Variants in CTBP1 observed in about 807,000 individuals in gnomAD.
CTBP1 encodes the protein C-terminal-binding protein 1.
Under a neutral mutation model 42.1 loss-of-function variants are expected in CTBP1, and 11 were observed. The ratio of observed to expected loss-of-function variants is 0.26; its 90% CI spans 0.16 to 0.43. The LOEUF is 0.43. Ranked by LOEUF, CTBP1 falls within the 20% of genes least tolerant of loss-of-function variation. CTBP1 has a pLI of 1.00. For synonymous variants in CTBP1, 324 were observed against 277.1 expected (o/e 1.17, Z -1.68); for missense variants, 399 against 624.3 (o/e 0.64, Z 3.85).
In CTBP1 at chr4:1,211,964, T is replaced by C. The variant is rs2108693707; in HGVS notation, c.*276A>G. On this transcript the variant is annotated 3_prime_UTR_variant, in exon 10 of 10. Transcript: ENST00000382952. Reference sequence around the variant, plus strand: ...AGCTAAGCAAACAGATCCTTTGTAATGTTCTAAAAACTGTACACAGACAAG... The same window carrying C: ...AGCTAAGCAAACAGATCCTTTGTAACGTTCTAAAAACTGTACACAGACAAG... 2 of 325,172 alleles carry C rather than the reference T, an allele frequency of 6.2e-6. No homozygotes were observed. The highest frequency in any genetic ancestry group is 1.1e-5 in the Non-Finnish European group (2 of 180,076). The allele number at this position is 325,172 out of a possible 1,614,324, so 20.1% of individuals were successfully genotyped here.
rs1200748059 is a variant in CTBP1, at chr4:1,235,192, GC to G, written c.162+2990del. 6.6e-6 allele frequency: 1 copy of G among 152,196 alleles called. No homozygotes were observed. Among genetic ancestry groups the G allele is most frequent in the Non-Finnish European group, 1.5e-5 (1 of 68,030 alleles). 9.4% of individuals were successfully genotyped at this position (152,196 alleles called of 1,614,324 possible). ...GGTTTGGGCTATGGTGAGTTAAGCT[GC>G]TAGGGAGCATGACGTGCAGGTCTGT... On this transcript the variant is annotated intron_variant, in intron 3 of 9. Coordinates refer to ENST00000382952, the MANE Select transcript of CTBP1 (RefSeq NM_001012614.2). This position sits in a 1 kb window ranked among gnomAD's most constrained non-coding sequence, Gnocchi z 4.2.
At chr4:1,249,729 A>G, upstream of CTBP1, 1 of 380,794 alleles carries the variant, frequency 2.6e-6, no homozygotes, top group Non-Finnish European at 5.3e-6. Flanking sequence ...GGGAGCCCCG[A>G]CTCCTGGAGG....
chr4:1,247,767 A>AG (rs3832288), intron 1 of CTBP1, among the ~76,000 whole-genome samples: 32,573 of 69,534 alleles, frequency 0.47, 5,027 homozygotes, highest in Non-Finnish European at 0.55. Flanking sequence ...GAGGCCGGGG[A>AG]GGGGGGGGGG....
chr4:1,219,991 G>T (rs1340679548), intron 5 of CTBP1, among the ~76,000 whole-genome samples: 2 of 152,258 alleles, frequency 1.3e-5, no homozygotes, highest in Non-Finnish European at 2.9e-5. Flanking sequence ...TGGATCACTT[G>T]AAGTCAGGAG....
chr4:1,218,702 C>G (rs1417450224), intron 5 of CTBP1: 5 of 152,096 alleles, frequency 3.3e-5, no homozygotes, highest in African/African-American at 1.2e-4. Flanking sequence ...CTCTGGCCGC[C>G]CTGGACGAGT....
At chr4:1,237,520 G>A in intron 3 of CTBP1, 1 of 674,960 alleles carries the variant, frequency 1.5e-6, no homozygotes, top group Non-Finnish European at 2.7e-6. Flanking sequence ...CTCCTGATGG[G>A]GCTTAGGACA....
At chr4:1,248,421 C>T (rs1732980798) in intron 1 of CTBP1, among the ~76,000 whole-genome samples, 1 of 151,054 alleles carries the variant, frequency 6.6e-6, no homozygotes, top group Non-Finnish European at 1.5e-5. Flanking sequence ...CCGGCGGCCT[C>T]CCCGCGGGAG....
intron 5 of CTBP1, 139 bp downstream of exon 5, chr4:1,225,221 G>T: frequency 2.0e-6 from 2 of 997,252 alleles, no homozygotes; most frequent in Non-Finnish European, 1.4e-6. Context: ...GTGCCTGTGC[G>T]CACTCAGTCC....
In CTBP1 at chr4:1,234,253, C is replaced by G. The variant is rs576183878; in HGVS notation, c.162+3930G>C. 2.0e-5 allele frequency among the ~76,000 whole-genome samples: 3 copies of G among 152,330 alleles called. No homozygotes were observed. The South Asian group carries it at 6.2e-4, about 32-fold the overall frequency. Reference sequence around the variant, plus strand: ...TCACCTCTCTGGCTTCTGCAATGTCCCTGTGTCTTTGAGCTTCCTGTTTTT... The same window carrying G: ...TCACCTCTCTGGCTTCTGCAATGTCGCTGTGTCTTTGAGCTTCCTGTTTTT... On this transcript the variant is annotated intron_variant, in intron 3 of 9. Transcript: ENST00000382952.
chr4:1,234,787 G>A (rs1337405514), intron 3 of CTBP1: 1 of 152,116 alleles, frequency 6.6e-6, no homozygotes, highest in Non-Finnish European at 1.5e-5. Context: ...TGTCCAAACC[G>A]AGCTGGTGCC....
Position 1,238,309 on chromosome 4 carries a change from G to T in CTBP1, c.36C>A (p.Pro12=). 6.3e-7 allele frequency: 1 copy of T among 1,587,410 alleles called. No individual in the cohort carries two copies. ...SGVRPPIMNG[P]LHPRPLVALL... ...ATGCCACCAGGGGCCGCGGGTGCAG[G>T]GGCCCGTTCATGATCGGAGGTCGGA... The change falls in exon 3 of 10, where the codon CCC becomes CCA. Residue 12 remains proline, a synonymous_variant. Transcript: ENST00000382952. This position sits in a 1 kb window ranked among gnomAD's most constrained non-coding sequence, Gnocchi z 5.9.
At chr4:1,247,931 G>A (rs1732908874) in intron 1 of CTBP1, among the ~76,000 whole-genome samples, 2 of 152,232 alleles carry the variant, frequency 1.3e-5, no homozygotes, top group African/African-American at 4.8e-5. Flanking sequence ...ATTCTGTCCC[G>A]GCAATCACGG....
chr4:1,230,860 G>A (rs1250114), intron 3 of CTBP1, among the ~76,000 whole-genome samples: 106,701 of 152,212 alleles, frequency 0.7, 39,611 homozygotes, highest in Non-Finnish European at 0.84. Context: ...AAGCCGAAGC[G>A]TGCGCCGGCC....
intron 1 of CTBP1, chr4:1,244,361 G>GGGA: frequency 1.0e-6 from 1 of 984,366 alleles, no homozygotes; most frequent in Admixed American, 6.2e-5. Context: ...CACTGGGGGG[G>GGGA]GGGTGTTCCA....
intron 1 of CTBP1, among the ~76,000 whole-genome samples, chr4:1,248,241 C>T (rs1489224633): frequency 6.6e-6 from 1 of 151,916 alleles, no homozygotes; most frequent in African/African-American, 2.4e-5. Flanking sequence ...GGTGGGGGCG[C>T]TGGGCCGGTC....
intron 2 of CTBP1, among the ~76,000 whole-genome samples, chr4:1,240,289 TG>T (rs34106188): frequency 7.5e-6 from 1 of 132,562 alleles, no homozygotes; most frequent in East Asian, 2.3e-4. Context: ...CGGAACCGCC[TG>T]GGGGGACTCC....
chr4:1,213,662 G>A (rs959443561), intron 7 of CTBP1, 57 bp from the exon 8 acceptor site: 11 of 1,579,424 alleles, frequency 7.0e-6, no homozygotes, highest in Non-Finnish European at 8.6e-6. Flanking sequence ...GGGTACGGAG[G>A]GGAGGTGGCT....
chr4:1,223,499 C>G (rs1410632586), intron 5 of CTBP1: 3 of 455,996 alleles, frequency 6.6e-6, no homozygotes, highest in African/African-American at 4.0e-5. Context: ...CAGCGGTCAG[C>G]AGGAGTGGGC....
At chr4:1,245,150 A>C in intron 1 of CTBP1, 2 of 985,416 alleles carry the variant, frequency 2.0e-6, no homozygotes, top group Non-Finnish European at 2.4e-6. Context: ...CCACGAGCCG[A>C]TACGGCACCT....
Sources: allele counts gnomAD v4.1 joint callset (sites outside exome capture counted in the v4.1 genomes callset), GRCh38; gene constraint gnomAD v4.1.1; non-coding constraint Gnocchi (gnomAD v3.1); transcripts MANE v1.5; gene names NCBI Gene and HGNC (gene_info 2026-07-23, HGNC 2026-07-21).